Variants in UGP2 observed in about 807,000 individuals in gnomAD.
UGP2 encodes UTP--glucose-1-phosphate uridylyltransferase.
A neutral mutation model predicts 49.0 loss-of-function variants in UGP2; 40 were observed. That is an observed-to-expected ratio of 0.82 (90% confidence interval 0.63 to 1.06). The LOEUF is 1.06. UGP2 is among the 50% of genes least tolerant of loss of function. The pLI, the probability that UGP2 is intolerant of heterozygous loss-of-function variation, is 0.00. For synonymous variants in UGP2, 225 were observed against 213.0 expected, an observed-to-expected ratio of 1.06 and a Z score of -0.49; for missense variants, 460 against 603.5, an observed-to-expected ratio of 0.76 and a Z score of 2.49.
At chr2:63,851,720 T>C in intron 1 of UGP2, among the ~76,000 whole-genome samples, 1 of 152,226 alleles carries the variant, frequency 6.6e-6, no homozygotes, top group Non-Finnish European at 1.5e-5. Flanking sequence ...TTTAACTTCA[T>C]GGAGTAGAAA....
At chr2:63,844,154 G>A (rs2104233738) in intron 1 of UGP2, among the ~76,000 whole-genome samples, 1 of 152,254 alleles carries the variant, frequency 6.6e-6, no homozygotes, top group South Asian at 2.1e-4. Context: ...TGACATGAAT[G>A]TGCTCCTGTT....
chr2:63,873,423 T>A (rs935017122), intron 3 of UGP2, among the ~76,000 whole-genome samples: 1 of 152,186 alleles, frequency 6.6e-6, no homozygotes, highest in African/African-American at 2.4e-5. Flanking sequence ...TAAGATGAAT[T>A]TTATATTCTG....
intron 3 of UGP2, among the ~76,000 whole-genome samples, chr2:63,880,821 C>T (rs1671252940): frequency 6.6e-6 from 1 of 152,192 alleles, no homozygotes; most frequent in South Asian, 2.1e-4. Flanking sequence ...GGTCTGCGTT[C>T]TTTCCTGCCT....
At chr2:63,880,220 G>A (rs1385444824) in intron 3 of UGP2, among the ~76,000 whole-genome samples, 2 of 125,530 alleles carry the variant, frequency 1.6e-5, no homozygotes, top group Non-Finnish European at 3.1e-5. Flanking sequence ...TTCTCATTCT[G>A]TGGAGTACAG....
chr2:63,885,079 C>T (rs972472004), intron 5 of UGP2, among the ~76,000 whole-genome samples: 2 of 135,430 alleles, frequency 1.5e-5, no homozygotes, highest in African/African-American at 2.8e-5. Context: ...GGTGCTAGCT[C>T]CCGTTTTCCT....
chr2:63,858,283 G>T (rs1669590907), intron 3 of UGP2, among the ~76,000 whole-genome samples: 2 of 152,054 alleles, frequency 1.3e-5, no homozygotes. Flanking sequence ...ATTTCTCATT[G>T]CCCGTAGGGT....
At chr2:63,884,748 C>CA (rs966782904) in intron 5 of UGP2, among the ~76,000 whole-genome samples, 44 of 151,436 alleles carry the variant, frequency 2.9e-4, no homozygotes, top group African/African-American at 9.7e-4. Flanking sequence ...GTCGTCTCTA[C>CA]AAAAAAAATT....
At position 63,891,390 on chromosome 2, in the gene UGP2, C is replaced by A. The variant is rs1672151404; in HGVS notation, c.*163C>A. On this transcript the variant is annotated 3_prime_UTR_variant, in exon 10 of 10. Transcript: ENST00000337130. Reference sequence around the variant, plus strand: ...GTATGCTTTTAGTCTAAGAAAAGCACAGATGGAGCAATACTTTCCTTCTTT... The same window carrying A: ...GTATGCTTTTAGTCTAAGAAAAGCAAAGATGGAGCAATACTTTCCTTCTTT... 2.1e-6 allele frequency: 1 copy of A among 474,878 alleles called. No individual in the cohort carries two copies. 29.4% of individuals were successfully genotyped at this position (474,878 alleles called of 1,614,324 possible).
intron 3 of UGP2, among the ~76,000 whole-genome samples, chr2:63,864,495 C>T (rs1413254353): frequency 6.6e-6 from 1 of 152,228 alleles, no homozygotes; most frequent in Non-Finnish European, 1.5e-5. Flanking sequence ...CATGTGTTTT[C>T]TTACATGATA....
At chr2:63,853,961 C>T (rs1395694209) in intron 1 of UGP2, among the ~76,000 whole-genome samples, 2 of 152,114 alleles carry the variant, frequency 1.3e-5, no homozygotes, top group African/African-American at 4.8e-5. Flanking sequence ...ATTATCTTGT[C>T]TGTTGATTGA....
In UGP2 at chr2:63,887,828, A is replaced by G. The variant is rs1157299737; in HGVS notation, c.1314+184A>G. 4.1e-5 allele frequency: 33 copies of G among 795,870 alleles called. 1 individual carries two copies. In the South Asian group the frequency reaches 6.3e-4, roughly 15 times the overall value. 49.3% of individuals were successfully genotyped at this position (795,870 alleles called of 1,614,324 possible). On this transcript the variant is annotated intron_variant, in intron 8 of 9. Transcript: ENST00000337130. ...AAATATTTTACTTCACATTTGAAAC[A>G]TGATTGCCATATGGAGAGTAGAAAA... is the stretch of plus-strand genomic sequence containing the variant.
At position 63,861,137 on chromosome 2, in the gene UGP2, G is replaced by C. The variant is rs559057635; in HGVS notation, c.255+3201G>C. ...CTAAATGTAATAATAAGATTATCTT[G>C]ATATTTAACTACATAAGTAAAAAAA... is the stretch of plus-strand genomic sequence containing the variant. On this transcript the variant is annotated intron_variant, in intron 3 of 9. Coordinates refer to ENST00000337130, the MANE Select transcript of UGP2 (RefSeq NM_006759.4). Among the ~76,000 whole-genome samples, 25 of 151,904 alleles carry C rather than the reference G, an allele frequency of 1.6e-4. No individual in the cohort carries two copies. The East Asian group carries it at 4.3e-3, about 26-fold the overall frequency.
chr2:63,850,454 G>A (rs1468599431), intron 1 of UGP2, among the ~76,000 whole-genome samples: 1 of 152,012 alleles, frequency 6.6e-6, no homozygotes, highest in Non-Finnish European at 1.5e-5. Flanking sequence ...CAACTTAATT[G>A]AATTTACTTT....
At chr2:63,874,561 A>T (rs1238333568) in intron 3 of UGP2, among the ~76,000 whole-genome samples, 1 of 152,124 alleles carries the variant, frequency 6.6e-6, no homozygotes, top group African/African-American at 2.4e-5. Context: ...GGTCAAGGGG[A>T]ATAGAGCACT....
At chr2:63,856,882 G>C in intron 2 of UGP2, 2 of 445,172 alleles carry the variant, frequency 4.5e-6, no homozygotes, top group Non-Finnish European at 8.9e-6. Context: ...TAAATCAATA[G>C]GTTAGTATTT....
intron 1 of UGP2, among the ~76,000 whole-genome samples, chr2:63,843,361 C>T (rs764051899): frequency 9.9e-5 from 15 of 152,122 alleles, no homozygotes; most frequent in Non-Finnish European, 1.6e-4. Context: ...GTAAGAGATG[C>T]TTATGTTCTG....
At chr2:63,842,290 T>C (rs867009197) in intron 1 of UGP2, 86 bp downstream of exon 1, 15 of 1,607,982 alleles carry the variant, frequency 9.3e-6, no homozygotes, top group African/African-American at 8.0e-5. Context: ...GGTTTGGAAG[T>C]GGAAATGTTC....
At chr2:63,866,960 A>G (rs548310472) in intron 3 of UGP2, among the ~76,000 whole-genome samples, 4 of 152,188 alleles carry the variant, frequency 2.6e-5, no homozygotes, top group African/African-American at 7.2e-5. Context: ...TGTTACTGAA[A>G]TGGCTACTTT....
chr2:63,850,572 G>A (rs772033515), intron 1 of UGP2, among the ~76,000 whole-genome samples: 1 of 152,130 alleles, frequency 6.6e-6, no homozygotes, highest in Non-Finnish European at 1.5e-5. Context: ...TCTAAAGTTA[G>A]TGAAAACATT....
Sources: gnomAD v4.1 joint callset for allele counts (sites outside exome capture counted in the v4.1 genomes callset) on GRCh38, gnomAD v4.1.1 for gene constraint, MANE v1.5 for transcripts, NCBI Gene and HGNC (gene_info 2026-07-23, HGNC 2026-07-21) for gene names.